Variants in CPQ observed in about 807,000 individuals in gnomAD.
The protein encoded by CPQ is carboxypeptidase Q.
CPQ carries 37 observed loss-of-function variants against 45.7 expected under a neutral mutation model. That is an observed-to-expected ratio of 0.81 (90% CI 0.62 to 1.07). The LOEUF is 1.07. Among genes scored for constraint, CPQ ranks in the 50% least tolerant of loss-of-function variants. CPQ has a pLI of 0.00. For synonymous variants in CPQ, 186 were observed against 205.8 expected (o/e 0.90, Z 0.82); for missense variants, 537 against 572.9 (o/e 0.94, Z 0.64).
In CPQ at chr8:97,083,660, T is replaced by C. The variant is rs547454635; in HGVS notation, c.1255+17450T>C. On this transcript the variant is annotated intron_variant, in intron 7 of 7. Coordinates refer to ENST00000220763, the MANE Select transcript of CPQ (RefSeq NM_016134.4). ...TTCCTATTCAGCCAAAGTAAATTGA[T>C]TGATTATAGGTGATAAGAGTCGGTG... Among the ~76,000 whole-genome samples, 3 of 152,294 alleles carry C rather than the reference T, an allele frequency of 2.0e-5. No individual in the cohort carries two copies. The South Asian group carries it at 6.2e-4, about 32-fold the overall frequency.
intron 7 of CPQ, among the ~76,000 whole-genome samples, chr8:97,140,364 G>A (rs1302522419): frequency 7.3e-6 from 1 of 136,942 alleles, no homozygotes; most frequent in African/African-American, 2.9e-5. Context: ...ATCCCAGAAT[G>A]TATAAAAAAA....
Position 96,744,225 on chromosome 8 carries a change from A to T in CPQ, c.-34-40639A>T, listed in dbSNP as rs528613612. ...CGGAAAAGCGCAGTATTAGGGTGGGAGTGACCCGATTTTCCAGATGCCGTC... is the reference window on the plus strand; with the variant it reads ...CGGAAAAGCGCAGTATTAGGGTGGGTGTGACCCGATTTTCCAGATGCCGTC... On this transcript the variant is annotated intron_variant, in intron 1 of 7. Transcript: ENST00000220763. Among the ~76,000 whole-genome samples the T allele has an allele frequency of 5.0e-4, 76 of 152,174 alleles. 1 individual carries two copies. Among genetic ancestry groups the T allele is most frequent in the Non-Finnish European group, 9.0e-4 (61 of 68,036 alleles).
chr8:96,800,577 G>T (rs762865157), intron 2 of CPQ, among the ~76,000 whole-genome samples: 8 of 152,148 alleles, frequency 5.3e-5, no homozygotes, highest in Admixed American at 1.3e-4. Context: ...ATGTGGGAGA[G>T]TGGACATATA....
intron 4 of CPQ, among the ~76,000 whole-genome samples, chr8:96,923,394 A>G (rs1214990105): frequency 1.3e-5 from 2 of 152,196 alleles, no homozygotes; most frequent in African/African-American, 4.8e-5. Flanking sequence ...CACCAGAAGC[A>G]TTTAACCAGA....
chr8:97,022,347 C>A (rs1333395310), intron 5 of CPQ, among the ~76,000 whole-genome samples: 1 of 152,052 alleles, frequency 6.6e-6, no homozygotes, highest in Non-Finnish European at 1.5e-5. Flanking sequence ...GATCAACAAC[C>A]CAAAAGTAAA....
intron 4 of CPQ, among the ~76,000 whole-genome samples, chr8:96,940,985 G>A (rs1813117599): frequency 6.6e-6 from 1 of 152,148 alleles, no homozygotes; most frequent in South Asian, 2.1e-4. Context: ...AAATGAGCCA[G>A]CATGCTTTTT....
At chr8:96,685,686 A>T (rs904675559) in intron 1 of CPQ, among the ~76,000 whole-genome samples, 1 of 152,048 alleles carries the variant, frequency 6.6e-6, no homozygotes, top group Non-Finnish European at 1.5e-5. Context: ...GTTCTTTTTC[A>T]GAATGTTTCT....
Position 97,027,062 on chromosome 8 carries a change from A to C in CPQ, c.962-2341A>C, listed in dbSNP as rs528472677. Among the ~76,000 whole-genome samples, 8 of 152,310 alleles carry C rather than the reference A, an allele frequency of 5.3e-5. No homozygotes were observed. The South Asian group carries it at 8.3e-4, about 16-fold the overall frequency. On this transcript the variant is annotated intron_variant, in intron 5 of 7. Transcript: ENST00000220763. ...TCTTGTGGATTTAAAAAATGTTTAGAATTTTTATTTGCAGCCTATAAACAA... is the reference window on the plus strand; with the variant it reads ...TCTTGTGGATTTAAAAAATGTTTAGCATTTTTATTTGCAGCCTATAAACAA...
At chr8:96,892,617 C>T (rs1377952263) in intron 4 of CPQ, among the ~76,000 whole-genome samples, 2 of 152,012 alleles carry the variant, frequency 1.3e-5, no homozygotes, top group Non-Finnish European at 2.9e-5. Flanking sequence ...CAACCTAAAT[C>T]ATGGAAGGAA....
At chr8:96,807,058 A>G (rs1368757998) in intron 2 of CPQ, among the ~76,000 whole-genome samples, 4 of 152,142 alleles carry the variant, frequency 2.6e-5, no homozygotes, top group Non-Finnish European at 5.9e-5. Context: ...TATATTCTCT[A>G]TTTGTTATCT....
At chr8:96,954,105 A>C (rs1251804293) in intron 4 of CPQ, among the ~76,000 whole-genome samples, 1 of 152,174 alleles carries the variant, frequency 6.6e-6, no homozygotes, top group Non-Finnish European at 1.5e-5. Context: ...TGGTACTTTG[A>C]TGCTTGTATT....
intron 5 of CPQ, among the ~76,000 whole-genome samples, chr8:96,987,211 G>A (rs941596577): frequency 2.0e-5 from 3 of 152,056 alleles, no homozygotes; most frequent in Non-Finnish European, 2.9e-5. Context: ...TGTCAGATTT[G>A]AGCTCTTGAA....
intron 5 of CPQ, among the ~76,000 whole-genome samples, chr8:96,981,550 C>T (rs1813896449): frequency 6.6e-6 from 1 of 152,096 alleles, no homozygotes; most frequent in South Asian, 2.1e-4. Context: ...GTGAATTTAT[C>T]TTTTATAGTG....
At chr8:96,704,123 T>C (rs1391891456) in intron 1 of CPQ, among the ~76,000 whole-genome samples, 2 of 152,192 alleles carry the variant, frequency 1.3e-5, no homozygotes, top group African/African-American at 4.8e-5. Context: ...TTGAAACTTA[T>C]ATTCCTTCAG....
intron 1 of CPQ, among the ~76,000 whole-genome samples, chr8:96,746,027 C>T (rs1370858198): frequency 6.6e-6 from 1 of 152,210 alleles, no homozygotes; most frequent in East Asian, 1.9e-4. Flanking sequence ...TCCCTACCTT[C>T]TGAAACTAGC....
At chr8:96,851,427 C>T (rs1287655691) in intron 3 of CPQ, among the ~76,000 whole-genome samples, 1 of 152,088 alleles carries the variant, frequency 6.6e-6, no homozygotes, top group Admixed American at 6.5e-5. Context: ...AGTTCTGGAT[C>T]CTGGGAGGTC....
chr8:96,832,429 G>T (rs905251236), intron 2 of CPQ, among the ~76,000 whole-genome samples: 1 of 152,148 alleles, frequency 6.6e-6, no homozygotes, highest in African/African-American at 2.4e-5. Flanking sequence ...CACAACTCCA[G>T]GGGTGCTTAA....
At chr8:97,018,239 C>T (rs550457443) in intron 5 of CPQ, among the ~76,000 whole-genome samples, 3 of 152,308 alleles carry the variant, frequency 2.0e-5, no homozygotes, top group South Asian at 4.1e-4. Flanking sequence ...TGAACACCAG[C>T]GTTGAGCCTT....
chr8:96,879,755 C>T, intron 3 of CPQ, 43 bp from the exon 4 acceptor site: 1 of 1,512,644 alleles, frequency 6.6e-7, no homozygotes, highest in African/African-American at 1.4e-5. Context: ...GTCTTTTGGT[C>T]TATTTCCACT....
Sources: allele counts gnomAD v4.1 joint callset (sites outside exome capture counted in the v4.1 genomes callset), GRCh38; gene constraint gnomAD v4.1.1; transcripts MANE v1.5; gene names NCBI Gene and HGNC (gene_info 2026-07-23, HGNC 2026-07-21).